Variants in RALYL observed in about 807,000 individuals in gnomAD.
RALYL encodes RALY RNA binding protein like.
In RALYL, 29 loss-of-function variants were observed where a neutral mutation model predicts 35.1. That is an observed-to-expected ratio of 0.83 (90% CI 0.61 to 1.13). RALYL has a LOEUF of 1.13. RALYL is among the 50% of genes most tolerant of loss of function. The pLI is 0.00. For missense variants in RALYL, 359 were observed against 360.4 expected (o/e 1.00, Z 0.03); for synonymous variants, 120 against 127.6 (o/e 0.94, Z 0.40).
chr8:84,522,989 TGAG>T (rs1366662370), intron 1 of RALYL, among the ~76,000 whole-genome samples: 1 of 152,160 alleles, frequency 6.6e-6, no homozygotes, highest in Non-Finnish European at 1.5e-5. Flanking sequence ...AGAAGGCTAA[TGAG>T]GAGCAAAGGC....
intron 2 of RALYL, among the ~76,000 whole-genome samples, chr8:84,671,028 T>C (rs1833106716): frequency 1.3e-5 from 2 of 152,274 alleles, no homozygotes; most frequent in African/African-American, 4.8e-5. Flanking sequence ...ACTTCCTATA[T>C]ACAATGGGGG....
intron 3 of RALYL, among the ~76,000 whole-genome samples, chr8:84,800,101 A>G (rs2133957330): frequency 6.6e-6 from 1 of 152,350 alleles, no homozygotes; most frequent in African/African-American, 2.4e-5. Context: ...CAGAGATGTA[A>G]GTTTTGGAAT....
At chr8:84,224,217 A>C (rs1248387763) in intron 1 of RALYL, among the ~76,000 whole-genome samples, 1 of 152,248 alleles carries the variant, frequency 6.6e-6, no homozygotes, top group East Asian at 1.9e-4. Context: ...ATCAGAACCA[A>C]GCTCTAAGTA....
intron 7 of RALYL, among the ~76,000 whole-genome samples, chr8:84,886,183 A>G (rs1454741871): frequency 6.6e-6 from 1 of 152,186 alleles, no homozygotes; most frequent in Non-Finnish European, 1.5e-5. Flanking sequence ...TTGGAGAATT[A>G]AAATGCAAGA....
chr8:84,740,910 G>A (rs1051985439), intron 2 of RALYL, among the ~76,000 whole-genome samples: 7 of 151,990 alleles, frequency 4.6e-5, no homozygotes, highest in African/African-American at 1.2e-4. Flanking sequence ...AAAGTACCAG[G>A]TGACATCTAT....
chr8:84,562,141 A>T (rs1225184242), intron 2 of RALYL, among the ~76,000 whole-genome samples: 1 of 151,964 alleles, frequency 6.6e-6, no homozygotes, highest in Non-Finnish European at 1.5e-5. Context: ...TTGGATTCAA[A>T]TCCTGACCAA....
chr8:84,852,211 G>GTAAC (rs1836002833), intron 5 of RALYL, among the ~76,000 whole-genome samples: 1 of 152,104 alleles, frequency 6.6e-6, no homozygotes, highest in Non-Finnish European at 1.5e-5. Flanking sequence ...ACCCACAACT[G>GTAAC]TAACTTCATT....
intron 2 of RALYL, among the ~76,000 whole-genome samples, chr8:84,531,491 A>G (rs2059275320): frequency 6.6e-6 from 1 of 151,822 alleles, no homozygotes; most frequent in African/African-American, 2.4e-5. Flanking sequence ...ACATTGGTAT[A>G]TTTTCCACTT....
intron 8 of RALYL, among the ~76,000 whole-genome samples, chr8:84,904,042 C>T (rs1337484036): frequency 2.0e-5 from 3 of 152,100 alleles, no homozygotes; most frequent in African/African-American, 4.8e-5. Context: ...GCAGGCAGGC[C>T]GCTTCATTCT....
intron 1 of RALYL, among the ~76,000 whole-genome samples, chr8:84,381,752 T>C (rs764470593): frequency 3.3e-5 from 5 of 151,862 alleles, no homozygotes; most frequent in Admixed American, 6.6e-5. Context: ...TCAAATGTAT[T>C]ATTTTTGCTG....
At position 84,529,374 on chromosome 8, in the gene RALYL, C is replaced by T; in HGVS notation, c.53C>T (p.Ser18Phe). The change falls in exon 2 of 9, where the codon TCC becomes TTC. Residue 18 changes from serine to phenylalanine, a missense_variant. Physicochemically the swap from Ser to Phe is radical, Grantham distance 155. Coordinates refer to ENST00000521268, the MANE Select transcript of RALYL (RefSeq NM_173848.7). ...GTCACCAATAAGAATGACCCCAAGT[C>T]CATCAACTCCCGTGTTTTCATCGGC... ...SNVTNKNDPK[S>F]INSRVFIGNL... 6.2e-7 allele frequency: 1 copy of T among 1,605,682 alleles called. No individual in the cohort carries two copies. The highest frequency in any genetic ancestry group is 8.5e-7 in the Non-Finnish European group (1 of 1,175,502).
chr8:84,687,012 C>T (rs1235586626), intron 2 of RALYL, among the ~76,000 whole-genome samples: 1 of 152,098 alleles, frequency 6.6e-6, no homozygotes, highest in Non-Finnish European at 1.5e-5. Context: ...CTTTCACATA[C>T]TTTGAAATAA....
At chr8:84,740,114 T>C (rs766388264) in intron 2 of RALYL, among the ~76,000 whole-genome samples, 25 of 152,120 alleles carry the variant, frequency 1.6e-4, no homozygotes, top group Admixed American at 1.2e-3. Flanking sequence ...CTAATACTTA[T>C]GAACGAGCAG....
At chr8:84,377,377 T>C (rs1857102108) in intron 1 of RALYL, among the ~76,000 whole-genome samples, 2 of 151,196 alleles carry the variant, frequency 1.3e-5, no homozygotes, top group South Asian at 4.2e-4. Context: ...CCAAAATGAG[T>C]TGTCAAGAGA....
intron 1 of RALYL, among the ~76,000 whole-genome samples, chr8:84,218,051 T>C (rs1194260289): frequency 6.6e-6 from 1 of 151,596 alleles, no homozygotes; most frequent in Non-Finnish European, 1.5e-5. Context: ...TTTTAACATA[T>C]TTTCTGAAAA....
chr8:84,862,654 A>T (rs1466004760), intron 6 of RALYL, among the ~76,000 whole-genome samples: 1 of 152,232 alleles, frequency 6.6e-6, no homozygotes, highest in East Asian at 1.9e-4. Flanking sequence ...AAACACAAAA[A>T]TGTCTAACAA....
At chr8:84,305,216 T>C (rs1841552335) in intron 1 of RALYL, among the ~76,000 whole-genome samples, 1 of 152,192 alleles carries the variant, frequency 6.6e-6, no homozygotes, top group Admixed American at 6.5e-5. Context: ...ATGTGAAAAT[T>C]GAATAAGAGC....
At chr8:84,841,848 C>A (rs532991138) in intron 4 of RALYL, among the ~76,000 whole-genome samples, 15 of 152,312 alleles carry the variant, frequency 9.8e-5, no homozygotes, top group Non-Finnish European at 1.5e-4. Flanking sequence ...GGAAACTGAA[C>A]AACCTGCTCC....
chr8:84,649,876 T>C (rs1828347126), intron 2 of RALYL, among the ~76,000 whole-genome samples: 1 of 152,132 alleles, frequency 6.6e-6, no homozygotes, highest in African/African-American at 2.4e-5. Context: ...TTGGGCAGTA[T>C]GGCCATTTTC....
Sources: gnomAD v4.1 joint callset for allele counts (sites outside exome capture counted in the v4.1 genomes callset) on GRCh38, gnomAD v4.1.1 for gene constraint, MANE v1.5 for transcripts, NCBI Gene and HGNC (gene_info 2026-07-23, HGNC 2026-07-21) for gene names.